The following RBFOX2 variants were observed in gnomAD, a reference collection of about 807,000 sequenced individuals.
RBFOX2 encodes RNA binding protein fox-1 homolog 2.
RBFOX2 carries 10 observed loss-of-function variants against 49.1 expected under a neutral mutation model. The ratio of observed to expected loss-of-function variants is 0.20; its 90% CI spans 0.13 to 0.35. RBFOX2 has a LOEUF of 0.35. Ranked by LOEUF, RBFOX2 falls within the 10% of genes least tolerant of loss-of-function variation. The pLI, the probability that RBFOX2 is intolerant of heterozygous loss-of-function variation, is 1.00. For missense variants in RBFOX2, 323 were observed against 486.9 expected (o/e 0.66, Z 3.17); for synonymous variants, 183 against 187.4 (o/e 0.98, Z 0.19).
At chr22:35,990,981 C>T (rs1603462877) in intron 1 of RBFOX2, among the ~76,000 whole-genome samples, 1 of 151,926 alleles carries the variant, frequency 6.6e-6, no homozygotes, top group African/African-American at 2.4e-5. Context: ...CCCACTAAGC[C>T]AAGCATGGTG....
At chr22:36,015,397 C>A (rs1569523517) in intron 1 of RBFOX2, among the ~76,000 whole-genome samples, 2 of 152,248 alleles carry the variant, frequency 1.3e-5, no homozygotes, top group Non-Finnish European at 2.9e-5. Flanking sequence ...GTACTACCAA[C>A]TCCCTGTAAG....
intron 9 of RBFOX2, among the ~76,000 whole-genome samples, chr22:35,750,050 A>G (rs1256901804): frequency 6.6e-6 from 1 of 152,172 alleles, no homozygotes; most frequent in Non-Finnish European, 1.5e-5. Context: ...GTATTACGGA[A>G]ACAGTCAGTC....
At chr22:35,746,392 G>C in intron 10 of RBFOX2, 81 bp downstream of exon 12, 1 of 1,267,376 alleles carries the variant, frequency 7.9e-7, no homozygotes, top group Non-Finnish European at 1.1e-6. Flanking sequence ...TGTGGAAATG[G>C]TGAAGGGAGG....
At chr22:35,982,540 C>T (rs1036493278) in intron 1 of RBFOX2, among the ~76,000 whole-genome samples, 6 of 152,074 alleles carry the variant, frequency 3.9e-5, no homozygotes, top group Admixed American at 6.6e-5. Context: ...GGCATACGGG[C>T]GCTAAATAAA....
intron 1 of RBFOX2, among the ~76,000 whole-genome samples, chr22:35,951,046 C>T (rs1249336302): frequency 1.3e-5 from 2 of 151,094 alleles, no homozygotes; most frequent in East Asian, 3.9e-4. Context: ...TTCCACCTCC[C>T]GGGTTCATGC....
At chr22:35,975,513 G>A (rs890646202) in intron 1 of RBFOX2, among the ~76,000 whole-genome samples, 2 of 152,090 alleles carry the variant, frequency 1.3e-5, no homozygotes, top group African/African-American at 4.8e-5. Context: ...TTTAGATTAG[G>A]AATCCAATGA....
chr22:35,838,134 G>A (rs1958021017), intron 1 of RBFOX2, among the ~76,000 whole-genome samples: 1 of 152,002 alleles, frequency 6.6e-6, no homozygotes, highest in African/African-American at 2.4e-5. Flanking sequence ...CTCTAATATT[G>A]CCAGTTAATA....
intron 9 of RBFOX2, among the ~76,000 whole-genome samples, chr22:35,754,028 C>A (rs957996544): frequency 1.3e-5 from 2 of 151,514 alleles, no homozygotes; most frequent in Non-Finnish European, 2.9e-5. Flanking sequence ...AGTGATCCCC[C>A]TGCCTCGGCC....
chr22:35,854,073 A>G (rs1418190627), intron 1 of RBFOX2, among the ~76,000 whole-genome samples: 1 of 151,970 alleles, frequency 6.6e-6, no homozygotes. Context: ...TTAGCCAGGC[A>G]TGGTGGTGCA....
At chr22:35,847,065 T>G (rs1016433550) in intron 1 of RBFOX2, among the ~76,000 whole-genome samples, 5 of 152,178 alleles carry the variant, frequency 3.3e-5, no homozygotes, top group African/African-American at 1.2e-4. Context: ...TAAGAATAAC[T>G]TCAGGAACAG....
intron 1 of RBFOX2, among the ~76,000 whole-genome samples, chr22:35,861,925 TTAC>T (rs2043140250): frequency 6.6e-6 from 1 of 152,184 alleles, no homozygotes; most frequent in Non-Finnish European, 1.5e-5. Flanking sequence ...ATATCCACAA[TTAC>T]TACTACTTAG....
chr22:35,742,310 G>A (rs540458253), exon 12 of RBFOX2: 4 of 152,468 alleles, frequency 2.6e-5, no homozygotes, highest in Non-Finnish European at 4.4e-5. Context: ...TCCCAGTTAC[G>A]AGGCGAGACA....
chr22:35,841,082 C>T (rs1047192842), upstream of RBFOX2, among the ~76,000 whole-genome samples: 3 of 152,038 alleles, frequency 2.0e-5, no homozygotes, highest in Non-Finnish European at 2.9e-5. Flanking sequence ...TACCTGGAGA[C>T]TCTGAAAAAG....
intron 1 of RBFOX2, chr22:35,997,175 G>T (rs2058227040): frequency 6.6e-6 from 1 of 152,114 alleles, no homozygotes. Flanking sequence ...CAAAATCCCT[G>T]GGCTTACAGC....
At position 36,015,016 on chromosome 22, in the gene RBFOX2, T is replaced by C. The variant is rs770215807; in HGVS notation, c.186+13224A>G. On this transcript the variant is annotated intron_variant, in intron 1 of 13. Coordinates refer to the RBFOX2 transcript ENST00000438146. ...TATCATGACAAGCAGCTAAAGACTT[T>C]TAACAAAGCAGAGGGACAGAAGATG... 3.2e-4 allele frequency among the ~76,000 whole-genome samples: 49 copies of C among 152,268 alleles called. 1 individual carries two copies. The highest frequency in any genetic ancestry group is 3.4e-3 in the Middle Eastern group (1 of 294).
chr22:35,783,313 C>T (rs1945613710), intron 2 of RBFOX2, among the ~76,000 whole-genome samples: 1 of 152,218 alleles, frequency 6.6e-6, no homozygotes, highest in Admixed American at 6.5e-5. Flanking sequence ...CATCTGATTT[C>T]CACTCAATCA....
At chr22:35,925,913 A>C (rs1271922274) in intron 1 of RBFOX2, among the ~76,000 whole-genome samples, 1 of 152,210 alleles carries the variant, frequency 6.6e-6, no homozygotes, top group African/African-American at 2.4e-5. Context: ...ACTTGCTGAG[A>C]GTATTTTCTG....
At chr22:36,004,991 T>C (rs1460189218) in intron 1 of RBFOX2, among the ~76,000 whole-genome samples, 2 of 152,160 alleles carry the variant, frequency 1.3e-5, no homozygotes, top group South Asian at 2.1e-4. Flanking sequence ...TGAGGAAAGG[T>C]TGAGTTCCTC....
intron 1 of RBFOX2, among the ~76,000 whole-genome samples, chr22:35,896,007 C>T (rs1383310020): frequency 2.0e-5 from 3 of 152,164 alleles, no homozygotes; most frequent in African/African-American, 2.4e-5. Context: ...CAGAAAATCA[C>T]GTAATTATCC....
Sources: gnomAD v4.1 joint callset for allele counts (sites outside exome capture counted in the v4.1 genomes callset) on GRCh38, gnomAD v4.1.1 for gene constraint, MANE v1.5 for transcripts, NCBI Gene and HGNC (gene_info 2026-07-23, HGNC 2026-07-21) for gene names.